The following SUGCT variants were observed in gnomAD, a reference collection of about 807,000 sequenced individuals.
SUGCT encodes succinyl-CoA:glutarate CoA-transferase.
A neutral mutation model predicts 55.0 loss-of-function variants in SUGCT; 41 were observed. The observed-to-expected ratio is 0.74, with a 90% confidence interval of 0.58 to 0.97. The LOEUF is 0.97. Among genes scored for constraint, SUGCT ranks in the 50% least tolerant of loss-of-function variants. The pLI is 0.00. For missense variants in SUGCT, 568 were observed against 547.8 expected, an observed-to-expected ratio of 1.04 and a Z score of -0.37; for synonymous variants, 187 against 200.4, an observed-to-expected ratio of 0.93 and a Z score of 0.56.
intron 8 of SUGCT, among the ~76,000 whole-genome samples, chr7:40,287,602 A>G (rs1793438120): frequency 6.6e-6 from 1 of 151,958 alleles, no homozygotes; most frequent in African/African-American, 2.4e-5. Context: ...GTCTCAAGCA[A>G]TCCCCCACCT....
At chr7:40,849,957 C>T (rs55836921) in intron 13 of SUGCT, among the ~76,000 whole-genome samples, 15,047 of 151,938 alleles carry the variant, frequency 0.099, 837 homozygotes, top group Middle Eastern at 0.18. Flanking sequence ...GCCGTGAGTC[C>T]GGGACTTCCT....
chr7:40,630,402 C>T (rs1210958462), intron 12 of SUGCT, among the ~76,000 whole-genome samples: 1 of 152,128 alleles, frequency 6.6e-6, no homozygotes, highest in African/African-American at 2.4e-5. Context: ...CTCACAGTCG[C>T]CTGACCCAAT....
At chr7:40,316,342 A>T (rs1795430286) in intron 8 of SUGCT, among the ~76,000 whole-genome samples, 1 of 152,066 alleles carries the variant, frequency 6.6e-6, no homozygotes, top group Admixed American at 6.6e-5. Context: ...TGGTTCATCT[A>T]CTCAGTGATG....
At chr7:40,158,693 T>A (rs905333296) in intron 1 of SUGCT, among the ~76,000 whole-genome samples, 6 of 152,182 alleles carry the variant, frequency 3.9e-5, no homozygotes, top group African/African-American at 1.4e-4. Flanking sequence ...GAGGTTGCAG[T>A]GAGCTGAGAT....
intron 1 of SUGCT, among the ~76,000 whole-genome samples, chr7:40,155,437 T>G (rs1194054753): frequency 3.3e-5 from 5 of 151,540 alleles, no homozygotes; most frequent in African/African-American, 1.2e-4. Context: ...TCCTCTGAGC[T>G]AAGGGAAAAG....
Position 40,668,126 on chromosome 7 carries a change from A to G in SUGCT, c.1090-81308A>G, listed in dbSNP as rs1801744454. Among the ~76,000 whole-genome samples, 3 of 152,326 alleles carry G rather than the reference A, an allele frequency of 2.0e-5. No homozygotes were observed. The South Asian group carries it at 6.2e-4, about 32-fold the overall frequency. ...TTAATTTGCATTTGTCAGAATATAA[A>G]TGGTACATCTTTAATTAAATTCTTT... On this transcript the variant is annotated intron_variant, in intron 12 of 13. Coordinates refer to ENST00000335693, the MANE Select transcript of SUGCT (RefSeq NM_001193313.2).
chr7:40,540,149 T>C (rs1319003465), intron 12 of SUGCT, among the ~76,000 whole-genome samples: 1 of 152,050 alleles, frequency 6.6e-6, no homozygotes, highest in Non-Finnish European at 1.5e-5. Context: ...TTATCATAAG[T>C]ATAGGCATGT....
At chr7:40,142,782 TC>T (rs565143629) in intron 1 of SUGCT, among the ~76,000 whole-genome samples, 28 of 152,238 alleles carry the variant, frequency 1.8e-4, no homozygotes, top group Non-Finnish European at 4.0e-4. Flanking sequence ...TACAAACTCC[TC>T]CTCTTTCTGC....
the SUGCT span, among the ~76,000 whole-genome samples, chr7:41,022,422 T>G: frequency 6.6e-6 from 1 of 152,188 alleles, no homozygotes; most frequent in African/African-American, 2.4e-5. Flanking sequence ...GAGTTTCTTC[T>G]TTAAAGATGC....
chr7:40,452,974 CA>C (rs1789273278), intron 10 of SUGCT, among the ~76,000 whole-genome samples: 1 of 152,294 alleles, frequency 6.6e-6, no homozygotes, highest in South Asian at 2.1e-4. Context: ...TCAACTTAAC[CA>C]GCTTTTCCCT....
At chr7:40,608,933 C>G (rs573833779) in intron 12 of SUGCT, among the ~76,000 whole-genome samples, 1 of 152,302 alleles carries the variant, frequency 6.6e-6, no homozygotes, top group South Asian at 2.1e-4. Context: ...AGTTCTGTCT[C>G]TAGCATACAC....
At chr7:40,168,736 C>T (rs1373681845) in intron 1 of SUGCT, among the ~76,000 whole-genome samples, 1 of 152,192 alleles carries the variant, frequency 6.6e-6, no homozygotes, top group Admixed American at 6.5e-5. Flanking sequence ...ATTTTTCCTT[C>T]TTCGGCGGCT....
rs530480911 is a variant in SUGCT at position 40,557,059 on chromosome 7, G to A, written c.1089+60673G>A. ...AACAATCTTGTAAAAGAACAAAGGT[G>A]GAAGACTCACACTTCCAAATTGCAA... On this transcript the variant is annotated intron_variant, in intron 12 of 13. Coordinates refer to ENST00000335693, the MANE Select transcript of SUGCT (RefSeq NM_001193313.2). Among the ~76,000 whole-genome samples the A allele has an allele frequency of 3.3e-5, 5 of 152,244 alleles. No individual in the cohort carries two copies. In the South Asian group the frequency reaches 1.0e-3, roughly 32 times the overall value.
chr7:40,968,022 C>T, the SUGCT span: 5 of 152,134 alleles, frequency 3.3e-5, no homozygotes, highest in African/African-American at 4.8e-5. Flanking sequence ...CTATTTAATA[C>T]ATTTCTATGT....
intron 12 of SUGCT, among the ~76,000 whole-genome samples, chr7:40,556,192 A>G (rs1362897350): frequency 6.6e-6 from 1 of 152,140 alleles, no homozygotes; most frequent in Non-Finnish European, 1.5e-5. Context: ...TTTGTTCCTA[A>G]CAACTTGAAC....
At chr7:40,171,698 C>A (rs1175126715) in intron 1 of SUGCT, among the ~76,000 whole-genome samples, 1 of 152,182 alleles carries the variant, frequency 6.6e-6, no homozygotes, top group Admixed American at 6.5e-5. Context: ...TGCTGCTAAG[C>A]AAAGCAGTTG....
intron 12 of SUGCT, among the ~76,000 whole-genome samples, chr7:40,679,004 A>G (rs1021185967): frequency 6.6e-6 from 1 of 152,196 alleles, no homozygotes; most frequent in Non-Finnish European, 1.5e-5. Flanking sequence ...CCTATAGTTC[A>G]AGATAGTGGT....
chr7:40,271,904 T>C (rs1792044190), intron 7 of SUGCT, among the ~76,000 whole-genome samples: 1 of 151,844 alleles, frequency 6.6e-6, no homozygotes, highest in African/African-American at 2.4e-5. Flanking sequence ...CTTTGTTAGC[T>C]TCCACATCTG....
chr7:40,600,500 C>T (rs1400577416), intron 12 of SUGCT, among the ~76,000 whole-genome samples: 3 of 152,214 alleles, frequency 2.0e-5, no homozygotes, highest in Non-Finnish European at 4.4e-5. Flanking sequence ...TCTGCTTAAT[C>T]TCCAGGGCTT....
Sources: allele counts gnomAD v4.1 joint callset (sites outside exome capture counted in the v4.1 genomes callset), GRCh38; gene constraint gnomAD v4.1.1; transcripts MANE v1.5; gene names NCBI Gene and HGNC (gene_info 2026-07-23, HGNC 2026-07-21).